The following AP1M2 variants were observed in gnomAD, a reference collection of about 807,000 sequenced individuals.
AP1M2 encodes AP-1 complex subunit mu-2.
Under a neutral mutation model 54.6 loss-of-function variants are expected in AP1M2, and 41 were observed. The ratio of observed to expected loss-of-function variants is 0.75; its 90% CI spans 0.59 to 0.97. The LOEUF (loss-of-function observed/expected upper bound fraction) is 0.97. Ranked by LOEUF, AP1M2 falls within the 50% of genes least tolerant of loss-of-function variation. The probability of loss-of-function intolerance (pLI) is 0.00; values close to 1 mark genes in which losing one functional copy is unlikely to be tolerated. For missense variants in AP1M2, 507 were observed against 561.2 expected (o/e 0.90, Z 0.98); for synonymous variants, 219 against 215.9 (o/e 1.01, Z -0.13).
At chr19:10,573,654 T>C (rs1489814608) in intron 11 of AP1M2, among the ~76,000 whole-genome samples, 1 of 142,102 alleles carries the variant, frequency 7.0e-6, no homozygotes, top group African/African-American at 2.6e-5. Context: ...TCCCTGCTTT[T>C]TTTTCCTTTT....
rs1917532326 is a variant in AP1M2 at position 10,583,593 on chromosome 19, G to A, written c.267+13C>T. The A allele has an allele frequency of 1.3e-6, 2 of 1,595,758 alleles. No homozygotes were observed. Among genetic ancestry groups the A allele is most frequent in the South Asian group, 1.1e-5 (1 of 90,414 alleles). On this transcript the variant is annotated intron_variant, in intron 3 of 11. Coordinates refer to ENST00000250244, the MANE Select transcript of AP1M2 (RefSeq NM_005498.5). Reference sequence around the variant, plus strand: ...CGGATAGACCAGTTAGCCAATGGGAGGCTAGTACCTACCTCTATTGTCTTA... The same window carrying A: ...CGGATAGACCAGTTAGCCAATGGGAAGCTAGTACCTACCTCTATTGTCTTA...
chr19:10,583,939 TAGG>T lies in AP1M2; in HGVS notation c.171_173del (p.Phe57del), dbSNP rs1459372744. 1.9e-6 allele frequency: 3 copies of T among 1,601,466 alleles called. No homozygotes were observed. The highest frequency in any genetic ancestry group is 2.7e-5 in the African/African-American group (2 of 74,810). ...AGTAGAGGTTGCTGTGTTTGATCCA[TAGG>T]AAGTGGACCTGGCCGTGGCTCAGCA... On this transcript the variant is annotated inframe_deletion, in exon 2 of 12. Coordinates refer to ENST00000250244, the MANE Select transcript of AP1M2 (RefSeq NM_005498.5).
intron 1 of AP1M2, among the ~76,000 whole-genome samples, chr19:10,586,801 A>C (rs1917667678): frequency 6.6e-6 from 1 of 152,126 alleles, no homozygotes; most frequent in Non-Finnish European, 1.5e-5. Flanking sequence ...AGATGGGGGG[A>C]GTTAGAGGCC....
At chr19:10,577,925 A>G (rs764149003) in intron 8 of AP1M2, among the ~76,000 whole-genome samples, 94 of 151,952 alleles carry the variant, frequency 6.2e-4, no homozygotes, top group Non-Finnish European at 8.1e-4. Context: ...TAGTAGAGAC[A>G]GCGTTTCTCC....
At chr19:10,576,929 G>A (rs1917253643) in intron 9 of AP1M2, among the ~76,000 whole-genome samples, 1 of 152,058 alleles carries the variant, frequency 6.6e-6, no homozygotes, top group Admixed American at 6.6e-5. Flanking sequence ...GCCAGGCTGG[G>A]ATTTCAGGCG....
intron 2 of AP1M2, 119 bp downstream of exon 2, chr19:10,583,795 T>G (rs1917542769): frequency 6.7e-6 from 10 of 1,494,752 alleles, no homozygotes; most frequent in Non-Finnish European, 9.1e-6. Flanking sequence ...CCCCCCAGCC[T>G]AAGCCACAGA....
rs1466666575 is a variant in AP1M2, at chr19:10,577,275, T to A, written c.970A>T (p.Arg324Ter). Residue 324 changes from arginine to a stop codon, truncating the protein, a stop_gained, in exon 9 of 12, where the codon AGA becomes TGA. Coordinates refer to ENST00000250244, the MANE Select transcript of AP1M2 (RefSeq NM_005498.5). LOFTEE classifies it high-confidence loss of function. Reference protein sequence around the residue: ...VPVPSDADSPRFKTSVGSAKY... With the variant: ...VPVPSDADSP ...GCGCTGCCCACACTGGTCTTGAATC[T>A]GGGGGAGTCGGCATCGCTGGGTACA... is the stretch of plus-strand genomic sequence containing the variant. The A allele has an allele frequency of 6.2e-7, 1 of 1,613,154 alleles. No individual in the cohort carries two copies. Among genetic ancestry groups the A allele is most frequent in the East Asian group, 2.2e-5 (1 of 44,870 alleles).
chr19:10,581,601 C>T lies in AP1M2; in HGVS notation c.432G>A (p.Thr144=), dbSNP rs375773149. 57 of 1,613,796 alleles carry T rather than the reference C, an allele frequency of 3.5e-5. No individual in the cohort carries two copies. The South Asian group carries it at 5.5e-4, about 16-fold the overall frequency. The change falls in exon 5 of 12, where the codon ACG becomes ACA. Residue 144 remains threonine, a synonymous_variant. Transcript: ENST00000250244. ...YITQQSNKLE[T]GKSRVPPTVT... ...CAGTGGGTGGCACCCGTGACTTGCCCGTCTCCAGCTTGTTGCTCTGCTGAG... is the reference window on the plus strand; with the variant it reads ...CAGTGGGTGGCACCCGTGACTTGCCTGTCTCCAGCTTGTTGCTCTGCTGAG...
At position 10,587,258 on chromosome 19, in the gene AP1M2, G is replaced by T; in HGVS notation, c.-27C>A. The T allele has an allele frequency of 6.4e-7, 1 of 1,559,720 alleles. No homozygotes were observed. The highest frequency in any genetic ancestry group is 1.4e-5 in the African/African-American group (1 of 73,402). On this transcript the variant is annotated 5_prime_UTR_variant, in exon 1 of 12. Transcript: ENST00000250244. ...GTGGCGGCCGAAGGACTTAGGAGTCGGGGAGGGAGCGCCGGGAGGCGATGG... is the reference window on the plus strand; with the variant it reads ...GTGGCGGCCGAAGGACTTAGGAGTCTGGGAGGGAGCGCCGGGAGGCGATGG...
intron 6 of AP1M2, 113 bp downstream of exon 6, chr19:10,581,153 T>C (rs999870159): frequency 1.8e-5 from 25 of 1,426,028 alleles, no homozygotes; most frequent in Non-Finnish European, 2.3e-5. Flanking sequence ...GATCAGCAGA[T>C]GGTGAGCGAG....
At position 10,585,239 on chromosome 19, in the gene AP1M2, A is replaced by AGAAAGAAG. The variant is rs137866469; in HGVS notation, c.43-1177_43-1170dup. On this transcript the variant is annotated intron_variant, in intron 1 of 11. Transcript: ENST00000250244. ...AAAAAAGAAAGAAGAAAAGAAAGAA[A>AGAAAGAAG]GAAAGAAGGAAAGAAGGAAAGAAGG... Among the ~76,000 whole-genome samples, 54 of 83,220 alleles carry AGAAAGAAG rather than the reference A, an allele frequency of 6.5e-4. 4 individuals are homozygous for AGAAAGAAG. The highest frequency in any genetic ancestry group is 2.9e-3 in the Admixed American group (15 of 5,186). The allele number at this position is 83,220 out of a possible 152,430, so 54.6% of individuals were successfully genotyped here.
rs1477485078 is a variant in AP1M2 at position 10,577,058 on chromosome 19, AC to A, written c.1047+139del. 7.6e-6 allele frequency: 7 copies of A among 924,318 alleles called. No homozygotes were observed. In the African/African-American group the frequency reaches 1.1e-4, roughly 15 times the overall value. The allele number at this position is 924,318 out of a possible 1,614,324, so 57.3% of individuals were successfully genotyped here. A position where few individuals can be genotyped will look rare whatever the true frequency, so the allele number is the denominator to read the frequency against. On this transcript the variant is annotated intron_variant, in intron 9 of 11. Transcript: ENST00000250244. The stretch of plus-strand genomic sequence containing the variant: ...TCTGCCCGTGTCAGCCTCTCAAAGT[AC>A]TGGCATTCCAGTCATGAGCCATCAC...
chr19:10,581,362 C>T lies in AP1M2; in HGVS notation c.577G>A (p.Glu193Lys), dbSNP rs756931799. 4.6e-5 allele frequency: 74 copies of T among 1,613,058 alleles called. No homozygotes were observed. The highest frequency in any genetic ancestry group is 8.9e-5 in the East Asian group (4 of 44,862). Residue 193 changes from glutamate to lysine, a missense_variant, in exon 6 of 12, where the codon GAA (glutamate) becomes AAA (lysine). By Grantham distance (56) the Glu-to-Lys change is moderately conservative (BLOSUM62 1). Transcript: ENST00000250244. ...TTGAGCTTGATGGTACCGACGATTT[C>T]GCTCAGAAGGACGCTGCCGTTGGCA... ...VNANGSVLLSEIVGTIKLKVF... is the reference protein window; with the variant it reads ...VNANGSVLLSKIVGTIKLKVF...
chr19:10,587,177 T>A lies in AP1M2; in HGVS notation c.42+13A>T. The A allele has an allele frequency of 6.4e-7, 1 of 1,554,580 alleles. No individual in the cohort carries two copies. Among genetic ancestry groups the A allele is most frequent in the Non-Finnish European group, 8.7e-7 (1 of 1,148,786 alleles). On this transcript the variant is annotated intron_variant, in intron 1 of 11. Coordinates refer to ENST00000250244, the MANE Select transcript of AP1M2 (RefSeq NM_005498.5). The stretch of plus-strand genomic sequence containing the variant: ...CACCTGTCCGTCTCCCAACTCCTCA[T>A]GCCCAGCCTCACCTTGCCCTTAACG...
intron 9 of AP1M2, among the ~76,000 whole-genome samples, chr19:10,576,703 A>C (rs540744591): frequency 6.8e-6 from 1 of 146,324 alleles, no homozygotes; most frequent in African/African-American, 2.5e-5. Context: ...CTGGCCTTTT[A>C]ATCTTTTTTT....
At position 10,584,125 on chromosome 19, in the gene AP1M2, C is replaced by T. The variant is rs926439208; in HGVS notation, c.43-55G>A. The T allele has an allele frequency of 5.5e-5, 86 of 1,569,576 alleles. No homozygotes were observed. In the Admixed American group the frequency reaches 1.5e-3, roughly 28 times the overall value. On this transcript the variant is annotated intron_variant, in intron 1 of 11. Coordinates refer to ENST00000250244, the MANE Select transcript of AP1M2 (RefSeq NM_005498.5). Reference sequence around the variant, plus strand: ...CACCAGCATCCAAGAACCTACCACGCTGAGGAGGCACAGTGCCCGGTTCTG... The same window carrying T: ...CACCAGCATCCAAGAACCTACCACGTTGAGGAGGCACAGTGCCCGGTTCTG...
chr19:10,583,467 T>A (rs1481946849), intron 3 of AP1M2, 139 bp downstream of exon 3: 3 of 626,098 alleles, frequency 4.8e-6, no homozygotes, highest in Non-Finnish European at 8.3e-6. Context: ...AGACCCCATC[T>A]CTACCAGAAA....
At chr19:10,576,832 G>A (rs563561208) in intron 9 of AP1M2, among the ~76,000 whole-genome samples, 5 of 151,634 alleles carry the variant, frequency 3.3e-5, no homozygotes, top group African/African-American at 9.7e-5. Context: ...TCAGTGTCCC[G>A]AGTGGCTGGG....
In AP1M2 at chr19:10,572,901, G is replaced by C; in HGVS notation, c.*165C>G. The C allele has an allele frequency of 4.8e-6, 3 of 626,418 alleles. No individual in the cohort carries two copies. 38.8% of individuals were successfully genotyped at this position (626,418 alleles called of 1,614,324 possible). A position where few individuals can be genotyped will look rare whatever the true frequency, so the allele number is the denominator to read the frequency against. ...GAGAGAGTTTCTCTCCCAGCCTATG[G>C]AATAAGGAAGAGGTGAGGAAGGGGC... is the stretch of plus-strand genomic sequence containing the variant. On this transcript the variant is annotated 3_prime_UTR_variant, in exon 12 of 12. Coordinates refer to ENST00000250244, the MANE Select transcript of AP1M2 (RefSeq NM_005498.5).
Sources: allele counts gnomAD v4.1 joint callset (sites outside exome capture counted in the v4.1 genomes callset), GRCh38; gene constraint gnomAD v4.1.1; transcripts MANE v1.5; gene names NCBI Gene and HGNC (gene_info 2026-07-23, HGNC 2026-07-21).